LSM11: variants seen among roughly 807,000 people sequenced by gnomAD.
LSM11 encodes LSM11, U7 small nuclear RNA associated, also known as U7 snRNA-associated Sm-like protein LSm11.
In LSM11, 14 loss-of-function variants were observed where a neutral mutation model predicts 28.1. The ratio of observed to expected loss-of-function variants is 0.50; its 90% CI spans 0.33 to 0.78. The LOEUF (loss-of-function observed/expected upper bound fraction) is 0.78, where lower values mean the gene tolerates loss of function less well. Among genes scored for constraint, LSM11 ranks in the 30% least tolerant of loss-of-function variants. The probability of loss-of-function intolerance (pLI) is 0.02; values close to 1 mark genes in which losing one functional copy is unlikely to be tolerated. For missense variants in LSM11, 495 were observed against 510.6 expected (o/e 0.97, Z 0.30); for synonymous variants, 207 against 214.2 (o/e 0.97, Z 0.30).
At chr5:157,750,748 C>T (rs573136793) in intron 1 of LSM11, among the ~76,000 whole-genome samples, 1 of 152,230 alleles carries the variant, frequency 6.6e-6, no homozygotes, top group East Asian at 1.9e-4. Flanking sequence ...AAGGATCTCG[C>T]TGTTAATGTA....
At chr5:157,751,902 A>G (rs34854783) in intron 2 of LSM11, among the ~76,000 whole-genome samples, 12,643 of 152,316 alleles carry the variant, frequency 0.083, 658 homozygotes, top group Middle Eastern at 0.14. Flanking sequence ...GAATTATCCA[A>G]TCTGAAAAGT....
intron 2 of LSM11, 82 bp from the exon 3 acceptor site, chr5:157,753,922 C>CTT (rs35074350): frequency 8.5e-4 from 720 of 849,740 alleles, no homozygotes; most frequent in Non-Finnish European, 1.0e-3. Context: ...GTTACTCTGC[C>CTT]TTTTTTTTTT....
Position 157,744,159 on chromosome 5 carries a change from A to G in LSM11, c.409A>G (p.Ser137Gly). The change falls in exon 1 of 4, where the codon AGC (serine) becomes GGC (glycine). Residue 137 changes from serine (S) to glycine (G), a missense_variant. Coordinates refer to ENST00000286307, the MANE Select transcript of LSM11 (RefSeq NM_173491.4). ...AGCGGGCCGGAGGGGTCCGGGTCGGAGCAGGAAGGCGCCACGCAACGTGCT... is the reference window on the plus strand; with the variant it reads ...AGCGGGCCGGAGGGGTCCGGGTCGGGGCAGGAAGGCGCCACGCAACGTGCT... ...AGAGRRGPGR[S>G]RKAPRNVLTR... 1 of 1,407,290 alleles carries G rather than the reference A, an allele frequency of 7.1e-7. No individual in the cohort carries two copies. The highest frequency in any genetic ancestry group is 2.9e-5 in the Admixed American group (1 of 34,650). 87.2% of individuals were successfully genotyped at this position (1,407,290 alleles called of 1,614,324 possible).
At position 157,754,670 on chromosome 5, in the gene LSM11, C is replaced by T. The variant is rs190792884; in HGVS notation, c.673-184C>T. Among the ~76,000 whole-genome samples the T allele has an allele frequency of 2.8e-3, 332 of 120,556 alleles. 4 individuals are homozygous for T. The highest frequency in any genetic ancestry group is 0.01 in the African/African-American group (310 of 30,452). 79.1% of individuals were successfully genotyped at this position (120,556 alleles called of 152,430 possible). A position where few individuals can be genotyped will look rare whatever the true frequency, so the allele number is the denominator to read the frequency against. ...TCGCACCACTGCACTCTAGCCTGGG[C>T]GACAGAGTGAGACTCCGTCTCCAAA... On this transcript the variant is annotated intron_variant, in intron 3 of 3. Transcript: ENST00000286307.
At chr5:157,749,435 A>C (rs1338232814) in intron 1 of LSM11, among the ~76,000 whole-genome samples, 1 of 152,272 alleles carries the variant, frequency 6.6e-6, no homozygotes, top group African/African-American at 2.4e-5. Context: ...TAACTATCTT[A>C]ACCTCATTTT....
rs1397823202 is a variant in LSM11, at chr5:157,755,450, C to A, written c.*186C>A. 5 of 625,320 alleles carry A rather than the reference C, an allele frequency of 8.0e-6. No individual in the cohort carries two copies. Among genetic ancestry groups the A allele is most frequent in the South Asian group, 2.1e-5 (1 of 46,528 alleles). 38.7% of individuals were successfully genotyped at this position (625,320 alleles called of 1,614,324 possible). ...GGAGGACAGGCCTTGGGAGGGCAGG[C>A]GTTTGCATTAATATCAAGGCAAAAA... On this transcript the variant is annotated 3_prime_UTR_variant, in exon 4 of 4. Transcript: ENST00000286307.
rs151257139 is a variant in LSM11, at chr5:157,755,219, T to A, written c.1038T>A (p.Ile346=). Residue 346 remains isoleucine (I), a synonymous_variant, in exon 4 of 4, where the codon ATT becomes ATA. Coordinates refer to ENST00000286307, the MANE Select transcript of LSM11 (RefSeq NM_173491.4). ...TATTCACTCGACACATAAATCAGATTTTCATTCGAGGCGAGAATGTCCTGC... is the reference window on the plus strand; with the variant it reads ...TATTCACTCGACACATAAATCAGATATTCATTCGAGGCGAGAATGTCCTGC... The part of the protein sequence containing the change: ...QQVFTRHINQ[I]FIRGENVLLV... The A allele has an allele frequency of 1.7e-5, 27 of 1,614,094 alleles. No individual in the cohort carries two copies. Among genetic ancestry groups the A allele is most frequent in the Non-Finnish European group, 2.2e-5 (26 of 1,180,048 alleles).
At chr5:157,746,959 C>G (rs542134740) in intron 1 of LSM11, among the ~76,000 whole-genome samples, 62 of 152,112 alleles carry the variant, frequency 4.1e-4, no homozygotes, top group African/African-American at 1.4e-3. Flanking sequence ...ACTGGGAATA[C>G]TAAAGAAGAA....
intron 1 of LSM11, among the ~76,000 whole-genome samples, chr5:157,745,904 A>G (rs1761139369): frequency 2.0e-5 from 3 of 152,194 alleles, no homozygotes; most frequent in Admixed American, 1.3e-4. Flanking sequence ...CATTCAAGAA[A>G]GAGTTCCTAC....
At chr5:157,753,220 A>G (rs1008686050) in intron 2 of LSM11, among the ~76,000 whole-genome samples, 1 of 152,226 alleles carries the variant, frequency 6.6e-6, no homozygotes, top group Non-Finnish European at 1.5e-5. Flanking sequence ...TCCTAGCATC[A>G]TCACTTGGTA....
chr5:157,754,125 T>A, intron 3 of LSM11, 38 bp downstream of exon 3: 5 of 1,373,132 alleles, frequency 3.6e-6, no homozygotes, highest in Non-Finnish European at 4.9e-6. Context: ...GTAGCCATCA[T>A]GCTTTCCAGC....
chr5:157,755,348 G>C lies in LSM11; in HGVS notation c.*84G>C. The C allele has an allele frequency of 7.1e-7, 1 of 1,401,246 alleles. No homozygotes were observed. The highest frequency in any genetic ancestry group is 9.7e-7 in the Non-Finnish European group (1 of 1,028,324). 86.8% of individuals were successfully genotyped at this position (1,401,246 alleles called of 1,614,324 possible). The stretch of plus-strand genomic sequence containing the variant: ...TATCCTAGTATCCCAGTGAAACTCT[G>C]AGTTGGAATGATTCCCTCTGGTCCT... On this transcript the variant is annotated 3_prime_UTR_variant, in exon 4 of 4. Coordinates refer to ENST00000286307, the MANE Select transcript of LSM11 (RefSeq NM_173491.4).
rs1032026519 is a variant in LSM11, at chr5:157,756,101, CTG to C, written c.*840_*841del. ...GTCCTGTGAGCTTTATGTCAGGAGACTGTGACCTTCATGTCCAGCTTCAAAGA... is the reference window on the plus strand; with the variant it reads ...GTCCTGTGAGCTTTATGTCAGGAGACTGACCTTCATGTCCAGCTTCAAAGA... On this transcript the variant is annotated 3_prime_UTR_variant, in exon 4 of 4. Coordinates refer to ENST00000286307, the MANE Select transcript of LSM11 (RefSeq NM_173491.4). 1 of 168,054 alleles carries C rather than the reference CTG, an allele frequency of 6.0e-6. No homozygotes were observed. The highest frequency in any genetic ancestry group is 2.4e-5 in the African/African-American group (1 of 42,194). The allele number at this position is 168,054 out of a possible 1,614,324, so 10.4% of individuals were successfully genotyped here. A position where few individuals can be genotyped will look rare whatever the true frequency, so the allele number is the denominator to read the frequency against.
chr5:157,749,557 C>T (rs936426376), intron 1 of LSM11, among the ~76,000 whole-genome samples: 2 of 150,262 alleles, frequency 1.3e-5, no homozygotes, highest in African/African-American at 2.5e-5. Flanking sequence ...TTAATATGGC[C>T]TATAACACAT....
At chr5:157,753,640 G>A (rs376377426) in intron 2 of LSM11, among the ~76,000 whole-genome samples, 4 of 152,180 alleles carry the variant, frequency 2.6e-5, no homozygotes, top group East Asian at 1.9e-4. Flanking sequence ...TGAAACAAAA[G>A]GTTCCTGGGC....
chr5:157,746,310 G>T (rs1761147001), intron 1 of LSM11, among the ~76,000 whole-genome samples: 1 of 152,192 alleles, frequency 6.6e-6, no homozygotes. Context: ...TAAAATGTAA[G>T]TTCCATCAGG....
Position 157,743,953 on chromosome 5 carries a change from G to T in LSM11, c.203G>T (p.Arg68Leu). ...GAGAGCTTCCTCAGGACCGGAGTCC[G>T]GGGCGGCGGGCGCGGGCGCGGGCGG... ...EYESFLRTGV[R>L]GGGRGRGRAR... Residue 68 changes from arginine to leucine, a missense_variant, in exon 1 of 4, where the codon CGG becomes CTG. Transcript: ENST00000286307. 1.5e-6 allele frequency: 2 copies of T among 1,355,098 alleles called. No individual in the cohort carries two copies. Among genetic ancestry groups the T allele is most frequent in the South Asian group, 2.0e-5 (1 of 49,310 alleles). The allele number at this position is 1,355,098 out of a possible 1,614,324, so 83.9% of individuals were successfully genotyped here.
At chr5:157,748,074 G>T (rs1185785985) in intron 1 of LSM11, among the ~76,000 whole-genome samples, 3 of 152,058 alleles carry the variant, frequency 2.0e-5, no homozygotes, top group Admixed American at 6.5e-5. Context: ...ACACTGATGT[G>T]CCTTTGCCGG....
chr5:157,753,939 A>G (rs558147069), intron 2 of LSM11, 65 bp from the exon 3 acceptor site: 9 of 1,149,238 alleles, frequency 7.8e-6, no homozygotes, highest in African/African-American at 1.7e-5. Flanking sequence ...TTTTTCCCTG[A>G]AAAAGCTATA....
Sources: gnomAD v4.1 joint callset for allele counts (sites outside exome capture counted in the v4.1 genomes callset) on GRCh38, gnomAD v4.1.1 for gene constraint, MANE v1.5 for transcripts, NCBI Gene and HGNC (gene_info 2026-07-23, HGNC 2026-07-21) for gene names.